The following SORCS3 variants were observed in gnomAD, a reference collection of about 807,000 sequenced individuals.
The protein encoded by SORCS3 is VPS10 domain-containing receptor SorCS3.
In SORCS3, 57 loss-of-function variants were observed where a neutral mutation model predicts 146.3. The observed-to-expected ratio is 0.39, with a 90% CI of 0.31 to 0.49. The LOEUF is 0.49. SORCS3 is among the 20% of genes least tolerant of loss of function. SORCS3 has a pLI of 0.92. For synonymous variants in SORCS3, 653 were observed against 618.5 expected, an observed-to-expected ratio of 1.06 and a Z score of -0.83; for missense variants, 1,341 against 1,575.5, an observed-to-expected ratio of 0.85 and a Z score of 2.52.
chr10:104,807,851 T>C (rs1341876443), intron 1 of SORCS3, among the ~76,000 whole-genome samples: 1 of 152,178 alleles, frequency 6.6e-6, no homozygotes, highest in Non-Finnish European at 1.5e-5. Context: ...GGCTTCGTAA[T>C]TTACTTTCAA....
chr10:105,008,901 C>T (rs1325280473), intron 4 of SORCS3, among the ~76,000 whole-genome samples: 1 of 152,150 alleles, frequency 6.6e-6, no homozygotes, highest in East Asian at 1.9e-4. Context: ...CCTGCCGTGG[C>T]CTCTCAAAGT....
At chr10:104,797,110 G>T (rs1264385357) in intron 1 of SORCS3, among the ~76,000 whole-genome samples, 1 of 152,150 alleles carries the variant, frequency 6.6e-6, no homozygotes, top group African/African-American at 2.4e-5. Context: ...GAATCATTCT[G>T]CTTTTAAGAA....
chr10:104,705,233 T>TG (rs2016322926), intron 1 of SORCS3, among the ~76,000 whole-genome samples: 1 of 151,686 alleles, frequency 6.6e-6, no homozygotes, highest in South Asian at 2.1e-4. Flanking sequence ...TCGTTTTTTT[T>TG]TTTTTTTTTT....
intron 1 of SORCS3, among the ~76,000 whole-genome samples, chr10:104,716,613 A>C (rs954855047): frequency 3.9e-5 from 6 of 152,162 alleles, no homozygotes; most frequent in Non-Finnish European, 7.3e-5. Flanking sequence ...ATTGAACTTA[A>C]AAGAAATCAT....
intron 2 of SORCS3, among the ~76,000 whole-genome samples, chr10:104,870,074 C>T (rs1366954498): frequency 1.3e-5 from 2 of 152,168 alleles, no homozygotes; most frequent in African/African-American, 4.8e-5. Context: ...CTCTCTATTG[C>T]TGTCATTATC....
intron 5 of SORCS3, among the ~76,000 whole-genome samples, chr10:105,066,628 A>G (rs957202942): frequency 1.2e-4 from 18 of 152,164 alleles, no homozygotes; most frequent in African/African-American, 4.1e-4. Flanking sequence ...TGGAAGAAAG[A>G]GAATCATAAT....
chr10:104,777,300 A>C (rs6584627), intron 1 of SORCS3, among the ~76,000 whole-genome samples: 38,527 of 152,122 alleles, frequency 0.25, 5,521 homozygotes, highest in East Asian at 0.65. Flanking sequence ...GCATGAGTGA[A>C]TGAGAACCTG....
intron 14 of SORCS3, among the ~76,000 whole-genome samples, chr10:105,182,171 T>C (rs2056446138): frequency 6.6e-6 from 1 of 151,466 alleles, no homozygotes; most frequent in Non-Finnish European, 1.5e-5. Flanking sequence ...AAGGAGAATT[T>C]AGTCTGATTT....
chr10:104,881,381 G>C (rs911007650), intron 2 of SORCS3, among the ~76,000 whole-genome samples: 23 of 152,158 alleles, frequency 1.5e-4, no homozygotes, highest in African/African-American at 4.6e-4. Flanking sequence ...TTGCTGGAGG[G>C]AAAAAGTTGG....
chr10:104,965,561 C>T lies in SORCS3; in HGVS notation c.796-11774C>T, dbSNP rs1169059663. The stretch of plus-strand genomic sequence containing the variant: ...ACAGTTCACAAGGGTTCCAACTTTT[C>T]ACATCCCTGCCAACACTTGTTATTT... On this transcript the variant is annotated intron_variant, in intron 3 of 26. Coordinates refer to ENST00000369701, the MANE Select transcript of SORCS3 (RefSeq NM_014978.3). Among the ~76,000 whole-genome samples the T allele has an allele frequency of 3.3e-5, 5 of 152,322 alleles. No homozygotes were observed. In the East Asian group the frequency reaches 9.6e-4, roughly 29 times the overall value.
At chr10:104,817,731 CT>C (rs1407767860) in intron 1 of SORCS3, among the ~76,000 whole-genome samples, 1 of 135,206 alleles carries the variant, frequency 7.4e-6, no homozygotes, top group Non-Finnish European at 1.6e-5. Context: ...TCCTCTTCCC[CT>C]TTTTTGTTGG....
intron 2 of SORCS3, among the ~76,000 whole-genome samples, chr10:104,884,763 C>A (rs2018664990): frequency 6.6e-6 from 1 of 151,820 alleles, no homozygotes; most frequent in African/African-American, 2.4e-5. Flanking sequence ...GTTTTGAATT[C>A]TCATAGATAG....
chr10:105,081,512 G>A (rs1316381926), intron 5 of SORCS3, among the ~76,000 whole-genome samples: 1 of 152,184 alleles, frequency 6.6e-6, no homozygotes, highest in African/African-American at 2.4e-5. Context: ...CTCTCTTGAG[G>A]ACTGTCGTGG....
chr10:104,663,115 C>T (rs946431432), intron 1 of SORCS3, among the ~76,000 whole-genome samples: 2 of 152,132 alleles, frequency 1.3e-5, no homozygotes, highest in African/African-American at 2.4e-5. Context: ...GTTCCCTTCC[C>T]ACCTCTTGCC....
At chr10:105,050,367 C>T (rs1357514479) in intron 5 of SORCS3, among the ~76,000 whole-genome samples, 1 of 152,058 alleles carries the variant, frequency 6.6e-6, no homozygotes, top group Admixed American at 6.6e-5. Flanking sequence ...TGGGTGCATT[C>T]TCATGCTTAC....
chr10:104,814,140 G>T (rs1419010781), intron 1 of SORCS3, among the ~76,000 whole-genome samples: 1 of 152,154 alleles, frequency 6.6e-6, no homozygotes, highest in South Asian at 2.1e-4. Flanking sequence ...GGAATGGGCA[G>T]TGTTTGGAGT....
At chr10:104,675,234 T>C (rs1375663860) in intron 1 of SORCS3, among the ~76,000 whole-genome samples, 2 of 152,258 alleles carry the variant, frequency 1.3e-5, no homozygotes, top group Non-Finnish European at 2.9e-5. Context: ...ATATGCCTAA[T>C]GGCCATTTGG....
intron 1 of SORCS3, among the ~76,000 whole-genome samples, chr10:104,721,890 G>A (rs1457489402): frequency 6.6e-6 from 1 of 152,032 alleles, no homozygotes; most frequent in Non-Finnish European, 1.5e-5. Flanking sequence ...GAGATGATGG[G>A]GTTTTCTAGA....
At chr10:104,740,472 A>G (rs1474694796) in intron 1 of SORCS3, among the ~76,000 whole-genome samples, 2 of 152,148 alleles carry the variant, frequency 1.3e-5, no homozygotes, top group Admixed American at 1.3e-4. Flanking sequence ...CTGATCTTCC[A>G]GGTTAAGGAT....
Sources: allele counts gnomAD v4.1 joint callset (sites outside exome capture counted in the v4.1 genomes callset), GRCh38; gene constraint gnomAD v4.1.1; transcripts MANE v1.5; gene names NCBI Gene and HGNC (gene_info 2026-07-23, HGNC 2026-07-21).